The following EFNB2 variants were observed in gnomAD, a reference collection of about 807,000 sequenced individuals.
EFNB2 encodes ephrin-B2.
A neutral mutation model predicts 32.1 loss-of-function variants in EFNB2; 5 were observed. The ratio of observed to expected loss-of-function variants is 0.16; its 90% CI spans 0.08 to 0.33. EFNB2 has a LOEUF of 0.33. EFNB2 is among the 10% of genes least tolerant of loss of function. EFNB2 has a pLI of 1.00. For missense variants in EFNB2, 263 were observed against 422.6 expected (o/e 0.62, Z 3.31); for synonymous variants, 168 against 166.5 (o/e 1.01, Z -0.07).
intron 1 of EFNB2, among the ~76,000 whole-genome samples, chr13:106,515,158 T>C (rs971292487): frequency 6.6e-5 from 10 of 152,304 alleles, no homozygotes; most frequent in South Asian, 2.1e-4. Context: ...CTGGTGCTGA[T>C]GCGGTGAGGT....
At chr13:106,516,216 G>C (rs1879308919) in intron 1 of EFNB2, 1 of 152,232 alleles carries the variant, frequency 6.6e-6, no homozygotes, top group Non-Finnish European at 1.5e-5. Flanking sequence ...GATTTCTGAA[G>C]ATGCCCTCCC....
At chr13:106,494,447 T>G (rs1878523479) in intron 4 of EFNB2, among the ~76,000 whole-genome samples, 1 of 152,216 alleles carries the variant, frequency 6.6e-6, no homozygotes, top group African/African-American at 2.4e-5. Context: ...AATACTATTA[T>G]GCAATATTTA....
rs1479080972 is a variant in EFNB2 at position 106,493,408 on chromosome 13, T to C, written c.634A>G (p.Ser212Gly). The change falls in exon 5 of 5, where the codon AGC (serine) becomes GGC (glycine). Residue 212 changes from serine (S) to glycine (G), a missense_variant. By Grantham distance (56) the Ser-to-Gly change is moderately conservative (BLOSUM62 0). Transcript: ENST00000646441. The surrounding 1 kb of genome is among the most constrained non-coding windows in gnomAD (Gnocchi z 6.1). Reference sequence around the variant, plus strand: ...ATGTTGTTCCCCGAATGTCCGGCGCTGTTGCCGTCTGTGCTAGAACCTGCA... The same window carrying C: ...ATGTTGTTCCCCGAATGTCCGGCGCCGTTGCCGTCTGTGCTAGAACCTGCA... ...PNPGSSTDGN[S>G]AGHSGNNILG... 2.5e-6 allele frequency: 4 copies of C among 1,612,838 alleles called. No homozygotes were observed. The highest frequency in any genetic ancestry group is 4.5e-5 in the East Asian group (2 of 44,838).
intron 2 of EFNB2, among the ~76,000 whole-genome samples, chr13:106,500,417 A>C (rs1205626308): frequency 6.6e-6 from 1 of 152,238 alleles, no homozygotes; most frequent in Non-Finnish European, 1.5e-5. Context: ...ATGAAGCACC[A>C]GGAAATATAA....
rs765298528 is a variant in EFNB2 at position 106,495,859 on chromosome 13, G to C, written c.407-19C>G. On this transcript the variant is annotated intron_variant, in intron 2 of 4. Coordinates refer to ENST00000646441, the MANE Select transcript of EFNB2 (RefSeq NM_004093.4). ...GATGTAGCTGATTAAAAATAAAATG[G>C]ACAAAACAAAAAAATAAAGAAAAAT... The C allele has an allele frequency of 6.3e-7, 1 of 1,597,236 alleles. No individual in the cohort carries two copies. The highest frequency in any genetic ancestry group is 8.5e-7 in the Non-Finnish European group (1 of 1,172,434).
At chr13:106,509,445 T>C (rs1879061243) in intron 2 of EFNB2, among the ~76,000 whole-genome samples, 1 of 152,226 alleles carries the variant, frequency 6.6e-6, no homozygotes, top group African/African-American at 2.4e-5. Flanking sequence ...TTATTAAAGC[T>C]GAACTCAAAT....
At chr13:106,497,122 T>A (rs1024241431) in intron 2 of EFNB2, among the ~76,000 whole-genome samples, 6 of 152,228 alleles carry the variant, frequency 3.9e-5, no homozygotes, top group Non-Finnish European at 7.3e-5. Context: ...GCATTTATGG[T>A]AGAAATATGC....
chr13:106,534,718 T>C, intron 1 of EFNB2, 125 bp downstream of exon 1: 1 of 1,004,526 alleles, frequency 1.0e-6, no homozygotes, highest in East Asian at 3.2e-5. Context: ...GGGTTGGGGG[T>C]GGGGGACGGG....
chr13:106,506,335 T>C (rs1878950998), intron 2 of EFNB2: 1 of 152,152 alleles, frequency 6.6e-6, no homozygotes, highest in South Asian at 2.1e-4. Context: ...AACAGGGAAC[T>C]GAGAAAAAGT....
At chr13:106,509,389 G>A (rs1047687307) in intron 2 of EFNB2, among the ~76,000 whole-genome samples, 1 of 152,120 alleles carries the variant, frequency 6.6e-6, no homozygotes, top group Non-Finnish European at 1.5e-5. Flanking sequence ...TTCTGAAGGC[G>A]CTTACCAACT....
In EFNB2 at chr13:106,535,529, A is replaced by T. The variant is rs1880050060; in HGVS notation, c.-565T>A. The T allele has an allele frequency of 6.7e-6, 1 of 148,762 alleles. No individual in the cohort carries two copies. Among genetic ancestry groups the T allele is most frequent in the African/African-American group, 2.5e-5 (1 of 40,578 alleles). 9.2% of individuals were successfully genotyped at this position (148,762 alleles called of 1,614,324 possible). On this transcript the variant is annotated 5_prime_UTR_variant, in exon 1 of 5. Transcript: ENST00000646441. ...CGCGGCTCCCGGCCCCCAGGGCAGG[A>T]AAGAGGGAGCTCGGTCCCCGCCGCG...
rs142388179 is a variant in EFNB2 at position 106,527,658 on chromosome 13, G to T, written c.122+7185C>A. Among the ~76,000 whole-genome samples, 1,251 of 152,308 alleles carry T rather than the reference G, an allele frequency of 8.2e-3. 7 individuals are homozygous for T. Among genetic ancestry groups the T allele is most frequent in the South Asian group, 0.034 (166 of 4,822 alleles). ...CTAGAGCCACTGCTGATTGTCTGCT[G>T]GAATAACAGAAATAGGTTCGCCTGG... On this transcript the variant is annotated intron_variant, in intron 1 of 4. Coordinates refer to ENST00000646441, the MANE Select transcript of EFNB2 (RefSeq NM_004093.4).
rs200760598 is a variant in EFNB2, at chr13:106,492,444, A to G, written c.*596T>C. 1 of 152,878 alleles carries G rather than the reference A, an allele frequency of 6.5e-6. No homozygotes were observed. Among genetic ancestry groups the G allele is most frequent in the Non-Finnish European group, 1.5e-5 (1 of 68,480 alleles). The allele number at this position is 152,878 out of a possible 1,614,324, so 9.5% of individuals were successfully genotyped here. A position where few individuals can be genotyped will look rare whatever the true frequency, so the allele number is the denominator to read the frequency against. On this transcript the variant is annotated 3_prime_UTR_variant, in exon 5 of 5. Coordinates refer to ENST00000646441, the MANE Select transcript of EFNB2 (RefSeq NM_004093.4). The surrounding 1 kb of genome is among the most constrained non-coding windows in gnomAD (Gnocchi z 5.1). ...TGAAGCTGTTGTTGCCAGCGGCTGG[A>G]GGAGGGGACTCCAGACATGAGTGTT...
intron 1 of EFNB2, among the ~76,000 whole-genome samples, chr13:106,528,097 G>A (rs879684804): frequency 2.0e-5 from 3 of 152,202 alleles, no homozygotes; most frequent in Non-Finnish European, 2.9e-5. Flanking sequence ...GATGTGAGCA[G>A]CCTGTAAATC....
intron 1 of EFNB2, among the ~76,000 whole-genome samples, chr13:106,531,923 A>C (rs1461921343): frequency 6.6e-6 from 1 of 152,204 alleles, no homozygotes; most frequent in Non-Finnish European, 1.5e-5. Context: ...TGCTCACATT[A>C]AAGTAAAATT....
intron 2 of EFNB2, among the ~76,000 whole-genome samples, chr13:106,507,385 C>T (rs1005840831): frequency 6.6e-6 from 1 of 152,156 alleles, no homozygotes; most frequent in Non-Finnish European, 1.5e-5. Context: ...CGTTTCAGTA[C>T]TACTTGCCAA....
intron 1 of EFNB2, among the ~76,000 whole-genome samples, chr13:106,531,694 C>G (rs536499305): frequency 7.2e-5 from 11 of 152,246 alleles, no homozygotes; most frequent in Non-Finnish European, 1.3e-4. Flanking sequence ...ATGTATTATA[C>G]GTTATCTGGA....
chr13:106,530,398 G>A (rs1040457831), intron 1 of EFNB2, among the ~76,000 whole-genome samples: 1 of 152,066 alleles, frequency 6.6e-6, no homozygotes, highest in African/African-American at 2.4e-5. Flanking sequence ...GCTCTACTCC[G>A]CTACACAAAG....
chr13:106,492,734 C>A lies in EFNB2; in HGVS notation c.*306G>T. 3.6e-6 allele frequency: 1 copy of A among 276,318 alleles called. No homozygotes were observed. Among genetic ancestry groups the A allele is most frequent in the Non-Finnish European group, 6.9e-6 (1 of 143,894 alleles). The allele number at this position is 276,318 out of a possible 1,614,324, so 17.1% of individuals were successfully genotyped here. A position where few individuals can be genotyped will look rare whatever the true frequency, so the allele number is the denominator to read the frequency against. On this transcript the variant is annotated 3_prime_UTR_variant, in exon 5 of 5. Transcript: ENST00000646441. The surrounding 1 kb of genome is among the most constrained non-coding windows in gnomAD (Gnocchi z 5.1). ...ACAAACCACTGTCTTCCCTTGGCTT[C>A]TGCAGAGGCCTGAGTGACCGCAGCA...
Sources: gnomAD v4.1 joint callset for allele counts (sites outside exome capture counted in the v4.1 genomes callset) on GRCh38, gnomAD v4.1.1 for gene constraint, Gnocchi (gnomAD v3.1) non-coding constraint, MANE v1.5 for transcripts, NCBI Gene and HGNC (gene_info 2026-07-23, HGNC 2026-07-21) for gene names.